The following THADA variants were observed in gnomAD, a reference collection of about 807,000 sequenced individuals.
THADA encodes tRNA (32-2'-O)-methyltransferase regulator THADA.
In THADA, 213 loss-of-function variants were observed where a neutral mutation model predicts 219.8. The observed-to-expected ratio is 0.97, with a 90% CI of 0.87 to 1.09. The LOEUF is 1.09. Ranked by LOEUF, THADA falls within the 50% of genes least tolerant of loss-of-function variation. The pLI is 0.00. For missense variants in THADA, 2,956 were observed against 2,311.3 expected, an observed-to-expected ratio of 1.28 and a Z score of -5.72; for synonymous variants, 1,018 against 828.9, an observed-to-expected ratio of 1.23 and a Z score of -3.92.
intron 26 of THADA, among the ~76,000 whole-genome samples, chr2:43,472,378 T>C (rs771749493): frequency 3.3e-5 from 5 of 152,224 alleles, no homozygotes; most frequent in East Asian, 1.9e-4. Flanking sequence ...TACTTCACCA[T>C]TGAAACACTA....
intron 29 of THADA, among the ~76,000 whole-genome samples, chr2:43,369,188 G>C (rs1247455053): frequency 6.6e-6 from 1 of 152,170 alleles, no homozygotes; most frequent in African/African-American, 2.4e-5. Flanking sequence ...CTGCCTTTGA[G>C]CAGTCTTGGA....
At chr2:43,310,850 A>G (rs1677418441) in intron 31 of THADA, among the ~76,000 whole-genome samples, 1 of 152,240 alleles carries the variant, frequency 6.6e-6, no homozygotes, top group Non-Finnish European at 1.5e-5. Flanking sequence ...TATCTTGGAC[A>G]TAAAAAGAAC....
intron 22 of THADA, among the ~76,000 whole-genome samples, chr2:43,511,257 T>C (rs879263932): frequency 9.2e-5 from 14 of 152,202 alleles, no homozygotes; most frequent in Non-Finnish European, 2.1e-4. Context: ...GGTACTTTCC[T>C]ATTTCCTTAA....
intron 26 of THADA, among the ~76,000 whole-genome samples, chr2:43,455,633 G>A (rs965262497): frequency 2.0e-5 from 3 of 152,170 alleles, no homozygotes; most frequent in African/African-American, 7.2e-5. Context: ...TTAGAGAGCA[G>A]GCTAACAAGA....
intron 28 of THADA, among the ~76,000 whole-genome samples, chr2:43,420,142 G>C (rs1035268526): frequency 6.6e-6 from 1 of 152,172 alleles, no homozygotes; most frequent in African/African-American, 2.4e-5. Flanking sequence ...ATGGCAGACT[G>C]AACTCCCACA....
intron 21 of THADA, among the ~76,000 whole-genome samples, chr2:43,534,818 A>C (rs1466750504): frequency 1.3e-5 from 2 of 151,622 alleles, no homozygotes; most frequent in African/African-American, 2.4e-5. Flanking sequence ...GCAGCACTCT[A>C]TCTCTTCAAT....
intron 29 of THADA, among the ~76,000 whole-genome samples, chr2:43,367,705 G>T (rs992582751): frequency 1.3e-5 from 2 of 152,186 alleles, no homozygotes; most frequent in African/African-American, 4.8e-5. Context: ...CTGCAACAAT[G>T]GGATGGTAAA....
At chr2:43,388,475 C>T (rs1404674535) in intron 29 of THADA, among the ~76,000 whole-genome samples, 1 of 152,182 alleles carries the variant, frequency 6.6e-6, no homozygotes, top group Non-Finnish European at 1.5e-5. Flanking sequence ...CCTGTATCTC[C>T]TTTCACTTTA....
chr2:43,474,119 T>C (rs538091447), intron 26 of THADA, among the ~76,000 whole-genome samples: 26 of 152,334 alleles, frequency 1.7e-4, no homozygotes, highest in Admixed American at 6.5e-4. Flanking sequence ...AGGAGAGGCA[T>C]ATCATCAATA....
intron 22 of THADA, among the ~76,000 whole-genome samples, chr2:43,526,603 G>C (rs971138873): frequency 1.3e-5 from 2 of 151,926 alleles, no homozygotes; most frequent in Non-Finnish European, 2.9e-5. Flanking sequence ...GTTTTATCTT[G>C]TTCAAGTGTG....
At chr2:43,265,029 CT>C (rs1474878554) in intron 36 of THADA, among the ~76,000 whole-genome samples, 1 of 152,248 alleles carries the variant, frequency 6.6e-6, no homozygotes, top group Non-Finnish European at 1.5e-5. Flanking sequence ...GGGAATTCTG[CT>C]TCTGCAGGTT....
chr2:43,594,230 T>G (rs1466654181), intron 1 of THADA, among the ~76,000 whole-genome samples: 2 of 152,204 alleles, frequency 1.3e-5, no homozygotes, highest in African/African-American at 4.8e-5. Flanking sequence ...TCAAATTGAA[T>G]TACTTACTCT....
At chr2:43,538,029 C>T (rs886929506) in intron 21 of THADA, among the ~76,000 whole-genome samples, 3 of 151,584 alleles carry the variant, frequency 2.0e-5, no homozygotes, top group South Asian at 4.2e-4. Flanking sequence ...ATTTCTGTGG[C>T]GATAATTACT....
intron 22 of THADA, among the ~76,000 whole-genome samples, chr2:43,514,441 A>G: frequency 7.1e-6 from 1 of 141,084 alleles, no homozygotes; most frequent in Admixed American, 7.4e-5. Flanking sequence ...ACAGAGTGAG[A>G]CCCTGTCTTA....
chr2:43,535,853 GCT>G (rs1292127887), intron 21 of THADA, among the ~76,000 whole-genome samples: 1 of 151,758 alleles, frequency 6.6e-6, no homozygotes, highest in Non-Finnish European at 1.5e-5. Flanking sequence ...ACTGACACTC[GCT>G]CTGTCACCAG....
chr2:43,511,060 G>C (rs1233881189), intron 22 of THADA, among the ~76,000 whole-genome samples: 1 of 151,730 alleles, frequency 6.6e-6, no homozygotes, highest in Non-Finnish European at 1.5e-5. Context: ...TGGAATTATA[G>C]AGGTGAATAA....
chr2:43,232,105 A>ACT (rs1667497215), intron 37 of THADA, among the ~76,000 whole-genome samples: 1 of 152,102 alleles, frequency 6.6e-6, no homozygotes, highest in South Asian at 2.1e-4. Context: ...CCCCAGGCTA[A>ACT]CTCCAATACT....
chr2:43,384,576 T>C (rs1672414447), intron 29 of THADA, among the ~76,000 whole-genome samples: 1 of 152,228 alleles, frequency 6.6e-6, no homozygotes, highest in African/African-American at 2.4e-5. Flanking sequence ...ATTACTGCCT[T>C]GTATCTCTGT....
At chr2:43,441,180 C>A (rs983953183) in intron 26 of THADA, among the ~76,000 whole-genome samples, 1 of 152,120 alleles carries the variant, frequency 6.6e-6, no homozygotes, top group African/African-American at 2.4e-5. Flanking sequence ...AAATTATTTT[C>A]TACAGAAAAT....
Sources: allele counts gnomAD v4.1 joint callset (sites outside exome capture counted in the v4.1 genomes callset), GRCh38; gene constraint gnomAD v4.1.1; transcripts MANE v1.5; gene names NCBI Gene and HGNC (gene_info 2026-07-23, HGNC 2026-07-21).